The following DPP10 variants were observed in gnomAD, a reference collection of about 807,000 sequenced individuals.
DPP10 encodes the protein dipeptidyl peptidase like 10, also known as inactive dipeptidyl peptidase 10.
In DPP10, 33 loss-of-function variants were observed where a neutral mutation model predicts 120.9. That is an observed-to-expected ratio of 0.27 (90% CI 0.21 to 0.37). DPP10 has a LOEUF of 0.37. DPP10 is among the 10% of genes least tolerant of loss of function. The pLI, the probability that DPP10 is intolerant of heterozygous loss-of-function variation, is 1.00. For missense variants in DPP10, 816 were observed against 942.8 expected, an observed-to-expected ratio of 0.87 and a Z score of 1.76; for synonymous variants, 337 against 326.1, an observed-to-expected ratio of 1.03 and a Z score of -0.36.
At chr2:115,824,251 A>G (rs1458722747) in intron 21 of DPP10, among the ~76,000 whole-genome samples, 1 of 152,134 alleles carries the variant, frequency 6.6e-6, no homozygotes, top group Non-Finnish European at 1.5e-5. Context: ...GGAAATGTTT[A>G]ATAAGGAGCT....
chr2:114,942,322 CACACACAT>C (rs1248318200), intron 1 of DPP10, among the ~76,000 whole-genome samples: 7 of 102,426 alleles, frequency 6.8e-5, no homozygotes, highest in Non-Finnish European at 1.3e-4. Flanking sequence ...TATATATATA[CACACACAT>C]ATATATATAC....
At chr2:115,230,418 G>T (rs1574090529) in intron 1 of DPP10, among the ~76,000 whole-genome samples, 2 of 151,782 alleles carry the variant, frequency 1.3e-5, no homozygotes, top group East Asian at 3.9e-4. Flanking sequence ...TCTTTCTCTT[G>T]TCTGATTGAT....
At chr2:115,379,258 G>A (rs372726682) in intron 3 of DPP10, among the ~76,000 whole-genome samples, 43 of 152,216 alleles carry the variant, frequency 2.8e-4, no homozygotes, top group East Asian at 1.2e-3. Context: ...CAGAGATTCA[G>A]CTTCTTCCTG....
chr2:115,690,651 G>A (rs1270460772), intron 7 of DPP10, among the ~76,000 whole-genome samples: 3 of 152,028 alleles, frequency 2.0e-5, no homozygotes, highest in Non-Finnish European at 2.9e-5. Context: ...GACCTCAAGC[G>A]ATCCACCCAC....
intron 1 of DPP10, among the ~76,000 whole-genome samples, chr2:115,304,705 T>C (rs533742187): frequency 3.1e-4 from 47 of 152,210 alleles, no homozygotes; most frequent in Non-Finnish European, 5.9e-5. Context: ...AAACAAATTT[T>C]GGTATCCTTT....
At chr2:115,719,432 G>A (rs1260019040) in intron 7 of DPP10, among the ~76,000 whole-genome samples, 2 of 152,160 alleles carry the variant, frequency 1.3e-5, no homozygotes, top group Admixed American at 6.5e-5. Flanking sequence ...TGATGCAAAG[G>A]TGACATGAGT....
intron 1 of DPP10, among the ~76,000 whole-genome samples, chr2:114,755,049 A>G (rs1005245350): frequency 1.3e-5 from 2 of 152,208 alleles, no homozygotes; most frequent in Non-Finnish European, 2.9e-5. Flanking sequence ...TGACTATTTG[A>G]GTTGAGTAAG....
At chr2:115,248,635 A>G (rs904514046) in intron 1 of DPP10, among the ~76,000 whole-genome samples, 1 of 152,118 alleles carries the variant, frequency 6.6e-6, no homozygotes, top group Admixed American at 6.6e-5. Context: ...TTTTCATTGA[A>G]TAAGGGAGGG....
At chr2:115,645,982 TTTG>T (rs1270014526) in intron 5 of DPP10, among the ~76,000 whole-genome samples, 7 of 152,112 alleles carry the variant, frequency 4.6e-5, no homozygotes, top group African/African-American at 1.4e-4. Context: ...GGCGTTATGT[TTTG>T]TTTTTTGTTA....
chr2:114,710,623 T>C (rs1700965630), intron 1 of DPP10, among the ~76,000 whole-genome samples: 1 of 152,148 alleles, frequency 6.6e-6, no homozygotes, highest in African/African-American at 2.4e-5. Context: ...CACATGCCTG[T>C]AGTCCCAGCT....
At chr2:115,528,419 T>C (rs1012456222) in intron 5 of DPP10, among the ~76,000 whole-genome samples, 1 of 149,808 alleles carries the variant, frequency 6.7e-6, no homozygotes, top group Admixed American at 6.6e-5. Flanking sequence ...TTATACCACA[T>C]AAATAAACCA....
At chr2:114,960,266 A>G (rs1436473841) in intron 1 of DPP10, among the ~76,000 whole-genome samples, 2 of 151,940 alleles carry the variant, frequency 1.3e-5, no homozygotes, top group Non-Finnish European at 2.9e-5. Flanking sequence ...AGATGTTACT[A>G]TGGCTCTCAT....
Position 115,372,435 on chromosome 2 carries a change from C to T in DPP10, c.271+28523C>T, listed in dbSNP as rs554531029. ...AAAGTCTCTGCAGGTTTCATAGAAT[C>T]TATTTGATTTCAATAAGCATTAAAA... On this transcript the variant is annotated intron_variant, in intron 3 of 25. Coordinates refer to ENST00000410059, the MANE Select transcript of DPP10 (RefSeq NM_020868.6). 1.7e-4 allele frequency among the ~76,000 whole-genome samples: 26 copies of T among 152,114 alleles called. No individual in the cohort carries two copies. In the South Asian group the frequency reaches 5.2e-3, roughly 30 times the overall value.
chr2:115,407,274 C>T (rs905691986), intron 3 of DPP10, among the ~76,000 whole-genome samples: 2 of 152,238 alleles, frequency 1.3e-5, no homozygotes, highest in Non-Finnish European at 2.9e-5. Context: ...GCTGTTTCAG[C>T]CTTCAGCCTC....
intron 7 of DPP10, among the ~76,000 whole-genome samples, chr2:115,704,385 A>G (rs1253270822): frequency 1.3e-5 from 2 of 151,852 alleles, no homozygotes; most frequent in East Asian, 3.9e-4. Context: ...ATAATTTTTA[A>G]TACTATTTAT....
chr2:114,910,086 A>G (rs906581392), intron 1 of DPP10, among the ~76,000 whole-genome samples: 1 of 151,778 alleles, frequency 6.6e-6, no homozygotes, highest in Non-Finnish European at 1.5e-5. Context: ...AGAATAGAGA[A>G]CTACTGTAGT....
intron 7 of DPP10, among the ~76,000 whole-genome samples, chr2:115,720,927 G>A (rs1168794102): frequency 2.0e-5 from 3 of 152,078 alleles, no homozygotes; most frequent in East Asian, 1.9e-4. Context: ...GTGGTGGGCC[G>A]GGAGCCAAAA....
intron 5 of DPP10, among the ~76,000 whole-genome samples, chr2:115,564,062 C>T (rs916771012): frequency 2.6e-5 from 4 of 152,092 alleles, no homozygotes; most frequent in Non-Finnish European, 5.9e-5. Flanking sequence ...CTCTGTGCCC[C>T]CTTCTGGAAG....
chr2:115,324,988 C>G (rs1420447745), intron 2 of DPP10, among the ~76,000 whole-genome samples: 1 of 152,030 alleles, frequency 6.6e-6, no homozygotes, highest in Non-Finnish European at 1.5e-5. Flanking sequence ...ACATTATGCT[C>G]TTATGTGGTC....
Sources: allele counts gnomAD v4.1 joint callset (sites outside exome capture counted in the v4.1 genomes callset), GRCh38; gene constraint gnomAD v4.1.1; transcripts MANE v1.5; gene names NCBI Gene and HGNC (gene_info 2026-07-23, HGNC 2026-07-21).